FLT3: variants seen among roughly 807,000 people sequenced by gnomAD.
FLT3 encodes receptor-type tyrosine-protein kinase FLT3.
In FLT3, 46 loss-of-function variants were observed where a neutral mutation model predicts 126.6. The observed-to-expected ratio is 0.36, with a 90% CI of 0.29 to 0.46. The LOEUF (loss-of-function observed/expected upper bound fraction) is 0.46. Among genes scored for constraint, FLT3 ranks in the 20% least tolerant of loss-of-function variants. The pLI, the probability that FLT3 is intolerant of heterozygous loss-of-function variation, is 1.00. For missense variants in FLT3, 1,069 were observed against 1,190.3 expected, an observed-to-expected ratio of 0.90 and a Z score of 1.50; for synonymous variants, 404 against 434.4, an observed-to-expected ratio of 0.93 and a Z score of 0.87.
At chr13:28,084,539 T>G (rs1449438774) in intron 1 of FLT3, among the ~76,000 whole-genome samples, 1 of 152,088 alleles carries the variant, frequency 6.6e-6, no homozygotes, top group African/African-American at 2.4e-5. Context: ...TTCTAATTTT[T>G]GTAGAGATGG....
At chr13:28,015,905 T>C (rs997715026) in intron 20 of FLT3, among the ~76,000 whole-genome samples, 1 of 152,194 alleles carries the variant, frequency 6.6e-6, no homozygotes, top group Non-Finnish European at 1.5e-5. Flanking sequence ...GCATATTTCT[T>C]TACAACTCCT....
intron 23 of FLT3, 102 bp downstream of exon 23, chr13:28,014,350 G>A (rs1871645357): frequency 3.7e-6 from 3 of 812,012 alleles, no homozygotes; most frequent in East Asian, 5.0e-5. Flanking sequence ...ACTGCAATGA[G>A]AATGACAACT....
intron 23 of FLT3, among the ~76,000 whole-genome samples, chr13:28,004,655 T>C (rs1870726876): frequency 6.6e-6 from 1 of 152,164 alleles, no homozygotes; most frequent in African/African-American, 2.4e-5. Context: ...TAGATGTACA[T>C]ATTTTCAGGA....
intron 20 of FLT3, among the ~76,000 whole-genome samples, chr13:28,016,711 T>C (rs1429048183): frequency 6.6e-6 from 1 of 152,238 alleles, no homozygotes; most frequent in African/African-American, 2.4e-5. Flanking sequence ...CTGGTTAATT[T>C]GATTAATTAA....
In FLT3 at chr13:28,034,133, C is replaced by A. The variant is rs773968505; in HGVS notation, c.1786G>T (p.Glu596Ter). Residue 596 changes from glutamate to a stop codon, truncating the protein, a stop_gained, in exon 14 of 24, where the codon GAA becomes TAA. Transcript: ENST00000241453. LOFTEE classifies it high-confidence loss of function. ...DNEYFYVDFREYEYDLKWEFP... is the reference protein window; with the variant it reads ...DNEYFYVDFR ...TCCCATTTGAGATCATATTCATATT[C>A]TCTGAAATCAACGTAGAAGTACTCA... 2 of 1,613,924 alleles carry A rather than the reference C, an allele frequency of 1.2e-6. No homozygotes were observed. The highest frequency in any genetic ancestry group is 1.3e-5 in the African/African-American group (1 of 74,928).
chr13:28,087,741 A>G (rs1878767271), intron 1 of FLT3, among the ~76,000 whole-genome samples: 1 of 151,874 alleles, frequency 6.6e-6, no homozygotes, highest in Non-Finnish European at 1.5e-5. Context: ...TTCATTTTGG[A>G]TAGTTTCTGT....
At chr13:28,094,552 T>A (rs1220949676) in intron 1 of FLT3, among the ~76,000 whole-genome samples, 1 of 152,160 alleles carries the variant, frequency 6.6e-6, no homozygotes, top group African/African-American at 2.4e-5. Flanking sequence ...CACGTTAGAG[T>A]ACAGTGGCAT....
chr13:28,033,579 G>C lies in FLT3; in HGVS notation c.1942+308C>G, dbSNP rs75901840. Among the ~76,000 whole-genome samples, 86 of 152,320 alleles carry C rather than the reference G, an allele frequency of 5.6e-4. 1 individual carries two copies. The East Asian group carries it at 0.013, about 24-fold the overall frequency. Reference sequence around the variant, plus strand: ...CTGAGGAGCCTGAGCCCAGGGGGTGGAGGCTGCAGTGAGCCATGATCACAC... The same window carrying C: ...CTGAGGAGCCTGAGCCCAGGGGGTGCAGGCTGCAGTGAGCCATGATCACAC... On this transcript the variant is annotated intron_variant, in intron 15 of 23. Transcript: ENST00000241453.
intron 20 of FLT3, among the ~76,000 whole-genome samples, chr13:28,017,500 A>G (rs1593218987): frequency 6.6e-6 from 1 of 152,152 alleles, no homozygotes; most frequent in African/African-American, 2.4e-5. Flanking sequence ...GCCTTGGATT[A>G]AAGGCGTGAG....
chr13:28,036,143 G>A, intron 10 of FLT3, 100 bp from the exon 11 acceptor site: 1 of 957,874 alleles, frequency 1.0e-6, no homozygotes, highest in Non-Finnish European at 1.7e-6. Flanking sequence ...GGATCACTTG[G>A]GCCAAGGAGT....
chr13:28,057,582 C>T (rs1876123501), intron 3 of FLT3, 120 bp from the exon 4 acceptor site: 1 of 642,036 alleles, frequency 1.6e-6, no homozygotes, highest in East Asian at 2.7e-5. Flanking sequence ...ACGGAAGCCG[C>T]TCTGTGGAGA....
chr13:28,015,406 C>T (rs533242866), intron 21 of FLT3, 150 bp from the exon 22 acceptor site: 79 of 730,272 alleles, frequency 1.1e-4, no homozygotes, highest in South Asian at 8.9e-4. Context: ...TCACGGTTCA[C>T]GCTCTCAAGC....
chr13:28,073,081 C>T (rs1321472250), intron 1 of FLT3, among the ~76,000 whole-genome samples: 1 of 151,770 alleles, frequency 6.6e-6, no homozygotes, highest in Non-Finnish European at 1.5e-5. Flanking sequence ...TGGCTCATGT[C>T]TGTAATCCCA....
chr13:28,041,981 C>T (rs1012383239), intron 9 of FLT3, among the ~76,000 whole-genome samples: 2 of 151,752 alleles, frequency 1.3e-5, no homozygotes, highest in African/African-American at 2.4e-5. Flanking sequence ...GGTGAAACTC[C>T]ATCTCTACTA....
At chr13:28,029,169 T>C (rs1405491619) in intron 15 of FLT3, among the ~76,000 whole-genome samples, 1 of 152,098 alleles carries the variant, frequency 6.6e-6, no homozygotes, top group African/African-American at 2.4e-5. Flanking sequence ...GGCGGGTGGA[T>C]CACTTAAGGT....
At chr13:28,023,090 C>T (rs967515963) in intron 19 of FLT3, among the ~76,000 whole-genome samples, 2 of 152,192 alleles carry the variant, frequency 1.3e-5, no homozygotes, top group African/African-American at 2.4e-5. Context: ...CTTCCTATCT[C>T]GACCTTCAGC....
intron 1 of FLT3, among the ~76,000 whole-genome samples, chr13:28,098,239 T>G (rs1005985248): frequency 5.6e-5 from 8 of 142,640 alleles, no homozygotes; most frequent in Non-Finnish European, 1.0e-4. Context: ...CGCTTGAACC[T>G]GGGAGGCGGA....
intron 2 of FLT3, among the ~76,000 whole-genome samples, chr13:28,065,949 C>G (rs1876995148): frequency 6.6e-6 from 1 of 151,914 alleles, no homozygotes; most frequent in African/African-American, 2.4e-5. Flanking sequence ...CCAGCCTTGG[C>G]AACATGGTGT....
chr13:28,037,585 T>C (rs1307584392), intron 9 of FLT3, among the ~76,000 whole-genome samples: 1 of 152,200 alleles, frequency 6.6e-6, no homozygotes, highest in Non-Finnish European at 1.5e-5. Context: ...GTGAGTCATA[T>C]GCCCATTGGG....
Sources: gnomAD v4.1 joint callset for allele counts (sites outside exome capture counted in the v4.1 genomes callset) on GRCh38, gnomAD v4.1.1 for gene constraint, MANE v1.5 for transcripts, NCBI Gene and HGNC (gene_info 2026-07-23, HGNC 2026-07-21) for gene names.